Variants in CARD19 observed in about 807,000 individuals in gnomAD.
CARD19 encodes the protein caspase recruitment domain-containing protein 19.
CARD19 carries 25 observed loss-of-function variants against 24.1 expected under a neutral mutation model. That is an observed-to-expected ratio of 1.04 (90% confidence interval 0.76 to 1.45). The LOEUF is 1.45. Among genes scored for constraint, CARD19 ranks in the 40% most tolerant of loss-of-function variants. CARD19 has a pLI of 0.00. For missense variants in CARD19, 241 were observed against 247.4 expected (o/e 0.97, Z 0.17); for synonymous variants, 103 against 104.9 (o/e 0.98, Z 0.11).
Position 93,107,831 on chromosome 9 carries a change from A to G in CARD19, c.150+15A>G, listed in dbSNP as rs766564158. On this transcript the variant is annotated intron_variant, in intron 2 of 5. Coordinates refer to ENST00000375464, the MANE Select transcript of CARD19 (RefSeq NM_032310.5). ...AGGCGGAAAAGGTGCTGAGGAGGTG[A>G]GGGGGGTACCCGAGACACTGCTCAG... 41 of 1,613,960 alleles carry G rather than the reference A, an allele frequency of 2.5e-5. No individual in the cohort carries two copies. Among genetic ancestry groups the G allele is most frequent in the Non-Finnish European group, 3.1e-5 (37 of 1,180,004 alleles).
In CARD19 at chr9:93,112,270, C is replaced by T. The variant is rs1026859822; in HGVS notation, c.417C>T (p.Leu139=). ...GCCTTGCTGTGGGACTGGCCCTGCT[C>T]CTGTACTGCTATCCGCCAGGTGGGT... is the stretch of plus-strand genomic sequence containing the variant. The part of the protein sequence containing the change: ...GLGLAVGLAL[L]LYCYPPDPKG... The change falls in exon 5 of 6, where the codon CTC becomes CTT. Residue 139 remains leucine (L), a synonymous_variant. Transcript: ENST00000375464. 5.2e-6 allele frequency: 8 copies of T among 1,544,538 alleles called. No homozygotes were observed. Among genetic ancestry groups the T allele is most frequent in the Admixed American group, 2.0e-5 (1 of 51,004 alleles).
chr9:93,101,489 G>C (rs1226218689), intron 1 of CARD19, among the ~76,000 whole-genome samples: 2 of 151,636 alleles, frequency 1.3e-5, no homozygotes, highest in Non-Finnish European at 2.9e-5. Context: ...GCCCAGGCTG[G>C]AGTGCAGTGG....
chr9:93,100,422 GCCTTGGCCTC>G (rs552608326), intron 1 of CARD19, among the ~76,000 whole-genome samples: 1 of 152,192 alleles, frequency 6.6e-6, no homozygotes, highest in Non-Finnish European at 1.5e-5. Context: ...CGATTCACCT[GCCTTGGCCTC>G]CCAAAGTGCT....
intron 1 of CARD19, 98 bp from the exon 2 acceptor site, chr9:93,107,576 T>C (rs1827309320): frequency 1.4e-6 from 2 of 1,422,094 alleles, no homozygotes; most frequent in Admixed American, 1.8e-5. Context: ...GAACCCACCT[T>C]GGGGGTGATG....
rs938138253 is a variant in CARD19, at chr9:93,096,385, C to G, written c.7+33C>G. Reference sequence around the variant, plus strand: ...CGGGGTCGGCTGGGCGGCAGGGATGCGGGCGCCCTGGATGGGTGGCCCGGC... The same window carrying G: ...CGGGGTCGGCTGGGCGGCAGGGATGGGGGCGCCCTGGATGGGTGGCCCGGC... On this transcript the variant is annotated intron_variant, in intron 1 of 5. Transcript: ENST00000375464. The surrounding 1 kb of genome is among the most constrained non-coding windows in gnomAD (Gnocchi z 5.4). 5 of 1,224,846 alleles carry G rather than the reference C, an allele frequency of 4.1e-6. No homozygotes were observed. Among genetic ancestry groups the G allele is most frequent in the Non-Finnish European group, 5.1e-6 (5 of 983,478 alleles). 75.9% of individuals were successfully genotyped at this position (1,224,846 alleles called of 1,614,324 possible). A position where few individuals can be genotyped will look rare whatever the true frequency, so the allele number is the denominator to read the frequency against.
intron 2 of CARD19, among the ~76,000 whole-genome samples, chr9:93,108,038 T>C (rs1827329829): frequency 6.6e-6 from 1 of 152,236 alleles, no homozygotes; most frequent in Non-Finnish European, 1.5e-5. Flanking sequence ...ATCAGCTCTC[T>C]GTGCCTCGGT....
chr9:93,104,776 T>C (rs1827195783), intron 1 of CARD19, among the ~76,000 whole-genome samples: 2 of 152,230 alleles, frequency 1.3e-5, no homozygotes, highest in Non-Finnish European at 2.9e-5. Flanking sequence ...TTCCTTTTTA[T>C]TTCTGTAAAG....
intron 1 of CARD19, among the ~76,000 whole-genome samples, chr9:93,100,473 C>A (rs1475658016): frequency 6.6e-6 from 1 of 152,336 alleles, no homozygotes; most frequent in East Asian, 1.9e-4. Context: ...CCGCGCCCAG[C>A]CTTCATTTCT....
intron 1 of CARD19, among the ~76,000 whole-genome samples, chr9:93,105,074 A>G (rs181379177): frequency 6.6e-6 from 1 of 152,048 alleles, no homozygotes; most frequent in Admixed American, 6.6e-5. Flanking sequence ...TACTGATTTA[A>G]GATTTTTTTA....
intron 5 of CARD19, 88 bp downstream of exon 5, chr9:93,112,377 C>T (rs1310826243): frequency 1.7e-6 from 2 of 1,150,258 alleles, no homozygotes; most frequent in Non-Finnish European, 2.5e-6. Context: ...TTTGGGACCC[C>T]TTGGCCTCTT....
At position 93,112,231 on chromosome 9, in the gene CARD19, C is replaced by CCTGG; in HGVS notation, c.384_387dup (p.Leu130TrpfsTer51). 2 of 1,545,174 alleles carry CCTGG rather than the reference C, an allele frequency of 1.3e-6. No individual in the cohort carries two copies. Among genetic ancestry groups the CCTGG allele is most frequent in the Non-Finnish European group, 1.7e-6 (2 of 1,146,994 alleles). On this transcript the variant is annotated frameshift_variant, in exon 5 of 6. Transcript: ENST00000375464. LOFTEE classifies it high-confidence loss of function. ...GTTTCTCCCCAGGACCCATGAGCTT[C>CCTGG]CTGGCTGGCCTGGGCCTTGCTGTGG...
At chr9:93,107,353 T>G (rs1827300228) in intron 1 of CARD19, among the ~76,000 whole-genome samples, 1 of 152,240 alleles carries the variant, frequency 6.6e-6, no homozygotes, top group South Asian at 2.1e-4. Flanking sequence ...AGCTATTTCC[T>G]GATGGCCCTG....
intron 1 of CARD19, among the ~76,000 whole-genome samples, chr9:93,101,478 C>T (rs138562080): frequency 1.8e-4 from 26 of 146,840 alleles, no homozygotes; most frequent in Middle Eastern, 3.6e-3. Flanking sequence ...GTCTCACTGT[C>T]GCCCAGGCTG....
At chr9:93,110,928 GTC>G in intron 3 of CARD19, 1 of 1,532,238 alleles carries the variant, frequency 6.5e-7, no homozygotes, top group Non-Finnish European at 8.7e-7. Flanking sequence ...GCAGATGTTG[GTC>G]TCTGTCTCCC....
At chr9:93,100,012 T>G (rs1827020000) in intron 1 of CARD19, among the ~76,000 whole-genome samples, 1 of 152,238 alleles carries the variant, frequency 6.6e-6, no homozygotes, top group South Asian at 2.1e-4. Flanking sequence ...ACCCCTACAC[T>G]GTGAGCCCCT....
chr9:93,111,528 G>T, intron 3 of CARD19: 1 of 1,172,676 alleles, frequency 8.5e-7, no homozygotes, highest in Admixed American at 4.1e-5. Flanking sequence ...GACGGTGGGC[G>T]GGGAGAGCTC....
intron 1 of CARD19, among the ~76,000 whole-genome samples, chr9:93,105,960 G>T (rs1295940626): frequency 6.6e-6 from 1 of 152,116 alleles, no homozygotes; most frequent in Non-Finnish European, 1.5e-5. Flanking sequence ...CTTCAATTCT[G>T]CCAGTGTTTG....
In CARD19 at chr9:93,096,452, C is replaced by A; in HGVS notation, c.7+100C>A. On this transcript the variant is annotated intron_variant, in intron 1 of 5. Coordinates refer to ENST00000375464, the MANE Select transcript of CARD19 (RefSeq NM_032310.5). This position sits in a 1 kb window ranked among gnomAD's most constrained non-coding sequence, Gnocchi z 5.4. ...CTTGCGAGTCGCCTGCAGGCCGCGCCTGGGCAGCGGGGGCCGAGTGACCTT... is the reference window on the plus strand; with the variant it reads ...CTTGCGAGTCGCCTGCAGGCCGCGCATGGGCAGCGGGGGCCGAGTGACCTT... The A allele has an allele frequency of 8.9e-7, 1 of 1,119,470 alleles. No homozygotes were observed. The highest frequency in any genetic ancestry group is 1.1e-6 in the Non-Finnish European group (1 of 888,530). The allele number at this position is 1,119,470 out of a possible 1,614,324, so 69.3% of individuals were successfully genotyped here. A position where few individuals can be genotyped will look rare whatever the true frequency, so the allele number is the denominator to read the frequency against.
At chr9:93,100,786 T>C (rs1247103044) in intron 1 of CARD19, among the ~76,000 whole-genome samples, 1 of 152,206 alleles carries the variant, frequency 6.6e-6, no homozygotes, top group African/African-American at 2.4e-5. Flanking sequence ...ATTTGACCCC[T>C]CTAAGTACTT....
Sources: allele counts gnomAD v4.1 joint callset (sites outside exome capture counted in the v4.1 genomes callset), GRCh38; gene constraint gnomAD v4.1.1; non-coding constraint Gnocchi (gnomAD v3.1); transcripts MANE v1.5; gene names NCBI Gene and HGNC (gene_info 2026-07-23, HGNC 2026-07-21).